Variants in PLCB1 observed in about 807,000 individuals in gnomAD.
PLCB1 encodes the protein 1-phosphatidylinositol 4,5-bisphosphate phosphodiesterase beta-1.
In PLCB1, 46 loss-of-function variants were observed where a neutral mutation model predicts 161.8. That is an observed-to-expected ratio of 0.28 (90% CI 0.22 to 0.36). The LOEUF (loss-of-function observed/expected upper bound fraction) is 0.36, where lower values mean the gene tolerates loss of function less well. Among genes scored for constraint, PLCB1 ranks in the 10% least tolerant of loss-of-function variants. The pLI, the probability that PLCB1 is intolerant of heterozygous loss-of-function variation, is 1.00. For synonymous variants in PLCB1, 517 were observed against 503.7 expected (o/e 1.03, Z -0.35); for missense variants, 1,016 against 1,472.5 (o/e 0.69, Z 5.07).
intron 3 of PLCB1, among the ~76,000 whole-genome samples, chr20:8,468,448 G>A (rs903146389): frequency 6.6e-6 from 1 of 152,066 alleles, no homozygotes; most frequent in African/African-American, 2.4e-5. Context: ...AATGATTTTG[G>A]AAACTAAGTT....
rs570847595 is a variant in PLCB1, at chr20:8,877,966, AATC to A, written c.3424-3648_3424-3646del. On this transcript the variant is annotated intron_variant, in intron 31 of 31. Coordinates refer to ENST00000338037, the MANE Select transcript of PLCB1 (RefSeq NM_015192.4). ...GGGTCAATTATTATAAATTATTAAA[AATC>A]ATCATCAAAATTAAATTACTAAAAT... 1.5e-3 allele frequency among the ~76,000 whole-genome samples: 221 copies of A among 152,332 alleles called. 1 individual carries two copies. The highest frequency in any genetic ancestry group is 5.1e-3 in the African/African-American group (210 of 41,578).
At chr20:8,741,277 T>C (rs146474729) in intron 22 of PLCB1, among the ~76,000 whole-genome samples, 187 bp from the exon 23 acceptor site, 42 of 152,226 alleles carry the variant, frequency 2.8e-4, no homozygotes, top group African/African-American at 9.6e-4. Context: ...GAGTAGATAG[T>C]TATATGGGTA....
chr20:8,479,434 C>A (rs995233148), intron 3 of PLCB1, among the ~76,000 whole-genome samples: 2 of 152,276 alleles, frequency 1.3e-5, no homozygotes, highest in African/African-American at 4.8e-5. Context: ...AGCTTTAATA[C>A]TGCAAGATCT....
chr20:8,790,992 T>G (rs115301454), intron 31 of PLCB1, among the ~76,000 whole-genome samples: 2,505 of 152,280 alleles, frequency 0.016, 43 homozygotes, highest in African/African-American at 0.057. Context: ...AAATATCTAC[T>G]CTAAAAAGTA....
intron 2 of PLCB1, among the ~76,000 whole-genome samples, chr20:8,300,421 A>C (rs1171411204): frequency 6.6e-6 from 1 of 152,052 alleles, no homozygotes; most frequent in East Asian, 1.9e-4. Flanking sequence ...TAAAGCCATA[A>C]ATCCACCACG....
intron 2 of PLCB1, among the ~76,000 whole-genome samples, chr20:8,197,559 G>A (rs1389967291): frequency 1.3e-5 from 2 of 151,730 alleles, no homozygotes; most frequent in Non-Finnish European, 2.9e-5. Context: ...CTGGATATTA[G>A]CCCTTTGTCA....
rs558504542 is a variant in PLCB1 at position 8,635,748 on chromosome 20, T to C, written c.384+7317T>C. Among the ~76,000 whole-genome samples the C allele has an allele frequency of 4.7e-4, 71 of 152,256 alleles. 1 individual carries two copies. The highest frequency in any genetic ancestry group is 1.5e-3 in the African/African-American group (63 of 41,542). On this transcript the variant is annotated intron_variant, in intron 4 of 31. Transcript: ENST00000338037. Reference sequence around the variant, plus strand: ...AATTTCTTTTAAGCAAAAGAAATTATAGTCTATGGGATAAAGGTGGGAAAT... The same window carrying C: ...AATTTCTTTTAAGCAAAAGAAATTACAGTCTATGGGATAAAGGTGGGAAAT...
At chr20:8,832,649 A>C (rs1307770129) in intron 31 of PLCB1, among the ~76,000 whole-genome samples, 2 of 152,224 alleles carry the variant, frequency 1.3e-5, no homozygotes, top group Non-Finnish European at 2.9e-5. Context: ...CCCTATCATA[A>C]GATTAGGAGA....
intron 2 of PLCB1, among the ~76,000 whole-genome samples, chr20:8,338,680 C>T (rs1425406589): frequency 2.6e-5 from 4 of 152,182 alleles, no homozygotes; most frequent in Non-Finnish European, 5.9e-5. Flanking sequence ...GCACAAATCT[C>T]AAATATAACA....
intron 3 of PLCB1, among the ~76,000 whole-genome samples, chr20:8,494,739 C>T (rs1983089038): frequency 6.6e-6 from 1 of 152,108 alleles, no homozygotes; most frequent in African/African-American, 2.4e-5. Flanking sequence ...ATCTTTCCTC[C>T]CTCTCTTGCT....
chr20:8,840,974 AC>A (rs1986482044), intron 31 of PLCB1, among the ~76,000 whole-genome samples: 1 of 151,662 alleles, frequency 6.6e-6, no homozygotes, highest in African/African-American at 2.4e-5. Context: ...CTGCCACCAC[AC>A]CCAACCAAAA....
intron 3 of PLCB1, among the ~76,000 whole-genome samples, chr20:8,407,491 C>A (rs151089926): frequency 1.3e-5 from 2 of 152,248 alleles, no homozygotes; most frequent in Non-Finnish European, 2.9e-5. Flanking sequence ...GCAAAAGGAA[C>A]TTCTTACATG....
intron 3 of PLCB1, among the ~76,000 whole-genome samples, chr20:8,466,553 C>G (rs1981834863): frequency 6.6e-6 from 1 of 152,054 alleles, no homozygotes; most frequent in Non-Finnish European, 1.5e-5. Flanking sequence ...CATGGCAGCT[C>G]TTTTTGCCAT....
At chr20:8,759,176 T>C (rs1008949852) in intron 24 of PLCB1, among the ~76,000 whole-genome samples, 1 of 152,204 alleles carries the variant, frequency 6.6e-6, no homozygotes, top group Admixed American at 6.5e-5. Flanking sequence ...GTTGGTCCGA[T>C]GTTTCCCCAT....
In PLCB1 at chr20:8,279,676, G is replaced by A. The variant is rs574383645; in HGVS notation, c.178-91706G>A. Among the ~76,000 whole-genome samples the A allele has an allele frequency of 2.2e-3, 336 of 152,184 alleles. 2 individuals are homozygous for A. The highest frequency in any genetic ancestry group is 0.014 in the Middle Eastern group (4 of 294). ...ATATAAAATAGTATTATACAGTGAT[G>A]GAAATGAATACACTATAAACGCACT... On this transcript the variant is annotated intron_variant, in intron 2 of 31. Coordinates refer to ENST00000338037, the MANE Select transcript of PLCB1 (RefSeq NM_015192.4).
chr20:8,725,649 G>A (rs1406842096), intron 16 of PLCB1, among the ~76,000 whole-genome samples: 3 of 152,000 alleles, frequency 2.0e-5, no homozygotes, highest in African/African-American at 4.8e-5. Flanking sequence ...CATTGAATTC[G>A]ATGTCCTAAT....
At chr20:8,297,676 C>T (rs1983700697) in intron 2 of PLCB1, among the ~76,000 whole-genome samples, 1 of 152,006 alleles carries the variant, frequency 6.6e-6, no homozygotes, top group South Asian at 2.1e-4. Flanking sequence ...AATGCACAAC[C>T]ACTGAGAAGG....
At chr20:8,490,732 A>G (rs1417257902) in intron 3 of PLCB1, among the ~76,000 whole-genome samples, 2 of 152,078 alleles carry the variant, frequency 1.3e-5, no homozygotes, top group African/African-American at 4.8e-5. Context: ...ATGATGTGAA[A>G]CACCTTTTCT....
At chr20:8,685,210 T>G (rs1990330688) in intron 10 of PLCB1, 132 bp downstream of exon 10, 1 of 815,316 alleles carries the variant, frequency 1.2e-6, no homozygotes, top group South Asian at 1.6e-5. Context: ...ACTCTGGGGT[T>G]CCACCACTAA....
Sources: gnomAD v4.1 joint callset for allele counts (sites outside exome capture counted in the v4.1 genomes callset) on GRCh38, gnomAD v4.1.1 for gene constraint, MANE v1.5 for transcripts, NCBI Gene and HGNC (gene_info 2026-07-23, HGNC 2026-07-21) for gene names.